SND1: variants seen among roughly 807,000 people sequenced by gnomAD.
SND1 encodes staphylococcal nuclease domain-containing protein 1.
Under a neutral mutation model 121.7 loss-of-function variants are expected in SND1, and 38 were observed. That is an observed-to-expected ratio of 0.31 (90% confidence interval 0.24 to 0.41). The LOEUF is 0.41. Among genes scored for constraint, SND1 ranks in the 10% least tolerant of loss-of-function variants. The pLI, the probability that SND1 is intolerant of heterozygous loss-of-function variation, is 1.00. For synonymous variants in SND1, 401 were observed against 447.4 expected (o/e 0.90, Z 1.31); for missense variants, 868 against 1,184.6 (o/e 0.73, Z 3.92).
Position 127,783,457 on chromosome 7 carries a change from T to C in SND1, c.1153-24027T>C, listed in dbSNP as rs1797759375. ...GTGTTAACAGACTACAGCAGCTTTG[T>C]GCTACAGCAGATTCGTTTGATGTCA... is the stretch of plus-strand genomic sequence containing the variant. On this transcript the variant is annotated intron_variant, in intron 10 of 23. Transcript: ENST00000354725. Among the ~76,000 whole-genome samples the C allele has an allele frequency of 3.3e-5, 5 of 152,352 alleles. No homozygotes were observed. In the South Asian group the frequency reaches 1.0e-3, roughly 32 times the overall value.
chr7:127,945,166 C>T (rs993666768), intron 15 of SND1, among the ~76,000 whole-genome samples: 2 of 152,212 alleles, frequency 1.3e-5, no homozygotes, highest in African/African-American at 4.8e-5. Flanking sequence ...TGAATGAGCA[C>T]TGATGTTTCT....
intron 16 of SND1, among the ~76,000 whole-genome samples, chr7:128,032,356 A>G (rs1455276388): frequency 7.0e-6 from 1 of 142,090 alleles, no homozygotes; most frequent in Non-Finnish European, 1.5e-5. Flanking sequence ...CGCCCCCTCT[A>G]GACGAGCGGA....
chr7:127,864,331 C>T (rs1457008193), intron 12 of SND1, among the ~76,000 whole-genome samples: 1 of 151,778 alleles, frequency 6.6e-6, no homozygotes, highest in Non-Finnish European at 1.5e-5. Flanking sequence ...TCACTTCCTT[C>T]CAATTGAGCC....
At chr7:127,775,733 A>C (rs1227867760) in intron 10 of SND1, among the ~76,000 whole-genome samples, 1 of 151,938 alleles carries the variant, frequency 6.6e-6, no homozygotes, top group East Asian at 1.9e-4. Context: ...CTTCTTTTTG[A>C]GATGGGGTCT....
intron 13 of SND1, among the ~76,000 whole-genome samples, chr7:127,903,873 T>A (rs1800281945): frequency 6.6e-6 from 1 of 152,172 alleles, no homozygotes; most frequent in Non-Finnish European, 1.5e-5. Flanking sequence ...AAGTTGAGTC[T>A]CCATAGACAA....
intron 14 of SND1, among the ~76,000 whole-genome samples, chr7:127,905,393 G>T (rs371154845): frequency 6.6e-6 from 1 of 152,120 alleles, no homozygotes; most frequent in South Asian, 2.1e-4. Flanking sequence ...TAACTGTAAG[G>T]ACTTTACCTT....
chr7:127,864,857 C>G (rs557156610), intron 12 of SND1, among the ~76,000 whole-genome samples: 3 of 152,008 alleles, frequency 2.0e-5, no homozygotes, highest in Admixed American at 2.0e-4. Flanking sequence ...GGCAAAGCAC[C>G]TGGATTCTTT....
At chr7:127,833,849 A>G (rs1413294163) in intron 11 of SND1, among the ~76,000 whole-genome samples, 1 of 152,212 alleles carries the variant, frequency 6.6e-6, no homozygotes, top group African/African-American at 2.4e-5. Context: ...TCGAAACTCT[A>G]TACCCATTAA....
At chr7:127,825,388 C>T (rs1029754832) in intron 11 of SND1, among the ~76,000 whole-genome samples, 6 of 150,892 alleles carry the variant, frequency 4.0e-5, no homozygotes, top group Non-Finnish European at 7.4e-5. Flanking sequence ...GGGTGACAGG[C>T]GTGAGCCACT....
rs1800298057 is a variant in SND1, at chr7:127,904,622, G to T, written c.1455-125G>T. 6.2e-6 allele frequency: 4 copies of T among 645,812 alleles called. No homozygotes were observed. The Admixed American group carries it at 8.7e-5, about 14-fold the overall frequency. 40.0% of individuals were successfully genotyped at this position (645,812 alleles called of 1,614,324 possible). A position where few individuals can be genotyped will look rare whatever the true frequency, so the allele number is the denominator to read the frequency against. On this transcript the variant is annotated intron_variant, in intron 13 of 23. Transcript: ENST00000354725. ...CAGACTGGCTACTCAGCAGTGTACA[G>T]TGTGACTTGTGTAGTCATACATCCC...
chr7:127,820,979 T>G (rs546698690), intron 11 of SND1, among the ~76,000 whole-genome samples: 11 of 152,316 alleles, frequency 7.2e-5, no homozygotes, highest in Non-Finnish European at 1.5e-4. Flanking sequence ...GTATTAGCTT[T>G]TCTCTGAGCC....
intron 12 of SND1, among the ~76,000 whole-genome samples, chr7:127,880,878 C>T (rs951229567): frequency 5.9e-5 from 9 of 152,126 alleles, no homozygotes; most frequent in Admixed American, 2.6e-4. Context: ...TCTCCCACAG[C>T]GCAGGGAGGG....
chr7:127,786,986 A>G (rs1013527332), intron 10 of SND1, among the ~76,000 whole-genome samples: 4 of 152,186 alleles, frequency 2.6e-5, no homozygotes, highest in Non-Finnish European at 5.9e-5. Flanking sequence ...TTAAACTACA[A>G]GGAAGTTTGG....
chr7:127,851,739 TTTTTC>T (rs1563035268), intron 12 of SND1, among the ~76,000 whole-genome samples: 1 of 152,242 alleles, frequency 6.6e-6, no homozygotes, highest in African/African-American at 2.4e-5. Flanking sequence ...ATTTTATTGA[TTTTTC>T]TTTCAGCATT....
intron 16 of SND1, chr7:128,030,175 T>C: frequency 6.2e-7 from 1 of 1,614,236 alleles, no homozygotes; most frequent in Non-Finnish European, 8.5e-7. Flanking sequence ...ATGGGGTTGT[T>C]GCGAAGCCAG....
intron 16 of SND1, among the ~76,000 whole-genome samples, chr7:128,041,639 A>G (rs1792856872): frequency 6.6e-6 from 1 of 152,198 alleles, no homozygotes; most frequent in African/African-American, 2.4e-5. Context: ...AAGGATGAGA[A>G]TGTCCCCAGT....
At chr7:127,880,217 G>A (rs529717256) in intron 12 of SND1, among the ~76,000 whole-genome samples, 8 of 152,236 alleles carry the variant, frequency 5.3e-5, no homozygotes, top group African/African-American at 1.7e-4. Context: ...TAATTAGATC[G>A]ACTGGCTATG....
At chr7:127,814,358 A>G (rs575076847) in intron 11 of SND1, among the ~76,000 whole-genome samples, 1 of 152,266 alleles carries the variant, frequency 6.6e-6, no homozygotes, top group South Asian at 2.1e-4. Context: ...AAAAAACCCT[A>G]TAAAATGTGC....
chr7:127,666,525 T>C, intron 1 of SND1, among the ~76,000 whole-genome samples: 1 of 152,142 alleles, frequency 6.6e-6, no homozygotes, highest in East Asian at 1.9e-4. Context: ...TAAACTTTCA[T>C]TTGAAATCTC....
Sources: allele counts gnomAD v4.1 joint callset (sites outside exome capture counted in the v4.1 genomes callset), GRCh38; gene constraint gnomAD v4.1.1; transcripts MANE v1.5; gene names NCBI Gene and HGNC (gene_info 2026-07-23, HGNC 2026-07-21).